Variants in ZNF33A observed in about 807,000 individuals in gnomAD.
ZNF33A encodes zinc finger protein 33A, also known as brain my041 protein.
A neutral mutation model predicts 15.9 loss-of-function variants in ZNF33A; 9 were observed. The ratio of observed to expected loss-of-function variants is 0.57; its 90% CI spans 0.34 to 0.99. The LOEUF (loss-of-function observed/expected upper bound fraction) is 0.99. ZNF33A is among the 50% of genes least tolerant of loss of function. The pLI is 0.02. For synonymous variants in ZNF33A, 294 were observed against 324.2 expected (o/e 0.91, Z 1.00); for missense variants, 843 against 941.6 (o/e 0.90, Z 1.37).
chr10:38,047,396 A>G (rs615974), intron 4 of ZNF33A, among the ~76,000 whole-genome samples: 132,876 of 151,484 alleles, frequency 0.88, 58,412 homozygotes, highest in South Asian at 0.94. Context: ...TTGGGAGGCC[A>G]AGGCCTGTGG....
rs10658326 is a variant in ZNF33A, at chr10:38,014,035, A to ATTTTTTTTTTTTT, written c.9+1701_9+1713dup. On this transcript the variant is annotated intron_variant, in intron 2 of 4. Transcript: ENST00000432900. ...AAAGCCCCAAATTTAATGATGTCTG[A>ATTTTTTTTTTTTT]TTTTTTTTTTTTTTTTTTTTTTTTT... Among the ~76,000 whole-genome samples the ATTTTTTTTTTTTT allele has an allele frequency of 6.2e-5, 5 of 80,368 alleles. 1 individual carries two copies. The highest frequency in any genetic ancestry group is 2.2e-4 in the African/African-American group (4 of 18,064). 52.7% of individuals were successfully genotyped at this position (80,368 alleles called of 152,430 possible). A position where few individuals can be genotyped will look rare whatever the true frequency, so the allele number is the denominator to read the frequency against.
Position 38,056,582 on chromosome 10 carries a change from G to A in ZNF33A, c.*22G>A. Reference sequence around the variant, plus strand: ...GTAACTATCCACAAACTCACCTTATGTTACTCCAAAGTAATAGTAGGGGAT... The same window carrying A: ...GTAACTATCCACAAACTCACCTTATATTACTCCAAAGTAATAGTAGGGGAT... On this transcript the variant is annotated 3_prime_UTR_variant, in exon 5 of 5. Transcript: ENST00000432900. The A allele has an allele frequency of 6.5e-7, 1 of 1,535,600 alleles. No homozygotes were observed. The highest frequency in any genetic ancestry group is 1.3e-5 in the South Asian group (1 of 76,032).
At position 38,017,356 on chromosome 10, in the gene ZNF33A, G is replaced by T; in HGVS notation, c.220G>T (p.Glu74Ter). 3.7e-6 allele frequency: 6 copies of T among 1,614,024 alleles called. No individual in the cohort carries two copies. The highest frequency in any genetic ancestry group is 5.1e-6 in the Non-Finnish European group (6 of 1,179,930). ...LQQGEEPWKQEEEFPSQSFPE... is the reference protein window; with the variant it reads ...LQQGEEPWKQ ...ACAAGGAGAAGAGCCATGGAAACAG[G>T]AGGAAGAATTCCCAAGCCAAAGCTT... The change falls in exon 4 of 5, where the codon GAG becomes TAG. Residue 74 changes from glutamate to a stop codon, truncating the protein, a stop_gained. Transcript: ENST00000432900. LOFTEE classifies it high-confidence loss of function.
rs1430254911 is a variant in ZNF33A, at chr10:38,055,676, A to G, written c.1552A>G (p.Ile518Val). The G allele has an allele frequency of 2.5e-6, 4 of 1,614,000 alleles. No individual in the cohort carries two copies. Among genetic ancestry groups the G allele is most frequent in the Admixed American group, 3.3e-5 (2 of 60,006 alleles). ...GTCATTACTCACCAGGCATCAGATA[A>G]TTCATACAGGGTGGAAACCTTATGA... ...HKSLLTRHQI[I>V]HTGWKPYECY... The change falls in exon 5 of 5, where the codon ATT (isoleucine) becomes GTT (valine). Residue 518 changes from isoleucine (I) to valine (V), a missense_variant. By Grantham distance (29) the Ile-to-Val change is conservative. Transcript: ENST00000432900.
chr10:38,011,026 A>T (rs1344250509), intron 1 of ZNF33A, among the ~76,000 whole-genome samples: 1 of 152,042 alleles, frequency 6.6e-6, no homozygotes, highest in Non-Finnish European at 1.5e-5. Flanking sequence ...GGAGGAGGGC[A>T]TGTGCGCTTG....
chr10:38,012,715 A>C (rs547769563), intron 2 of ZNF33A, among the ~76,000 whole-genome samples: 1 of 152,330 alleles, frequency 6.6e-6, no homozygotes, highest in East Asian at 1.9e-4. Flanking sequence ...TACAAGCGTG[A>C]GGCACCGTGT....
intron 2 of ZNF33A, among the ~76,000 whole-genome samples, chr10:38,013,891 C>T (rs1171509618): frequency 1.3e-5 from 2 of 152,132 alleles, no homozygotes; most frequent in East Asian, 1.9e-4. Flanking sequence ...CTGAAGCTGC[C>T]GTCTTGTCCC....
At chr10:38,050,694 C>T (rs2066163405) in intron 4 of ZNF33A, among the ~76,000 whole-genome samples, 1 of 152,192 alleles carries the variant, frequency 6.6e-6, no homozygotes, top group African/African-American at 2.4e-5. Context: ...CAAACAGTTG[C>T]ACCCCAGAGA....
chr10:38,040,460 A>T (rs1833735779), intron 4 of ZNF33A, among the ~76,000 whole-genome samples: 1 of 152,172 alleles, frequency 6.6e-6, no homozygotes, highest in East Asian at 1.9e-4. Flanking sequence ...AGTTTTTGCT[A>T]CACATACTTT....
At chr10:38,013,008 G>A (rs1295641624) in intron 2 of ZNF33A, among the ~76,000 whole-genome samples, 1 of 152,158 alleles carries the variant, frequency 6.6e-6, no homozygotes, top group Admixed American at 6.5e-5. Context: ...TGAAATGAGT[G>A]CAGCCTATTG....
chr10:38,056,272 A>T lies in ZNF33A; in HGVS notation c.2148A>T (p.Thr716=), dbSNP rs1315601921. 2 of 1,614,036 alleles carry T rather than the reference A, an allele frequency of 1.2e-6. No individual in the cohort carries two copies. Among genetic ancestry groups the T allele is most frequent in the Non-Finnish European group, 8.5e-7 (1 of 1,180,000 alleles). ...SSLTVHHRAH[T]GEKSCQCNEC... Reference sequence around the variant, plus strand: ...TCACAGTACATCACAGGGCTCACACAGGAGAGAAATCTTGTCAATGTAATG... The same window carrying T: ...TCACAGTACATCACAGGGCTCACACTGGAGAGAAATCTTGTCAATGTAATG... The change falls in exon 5 of 5, where the codon ACA becomes ACT. Residue 716 remains threonine, a synonymous_variant. Transcript: ENST00000432900.
At chr10:38,028,644 C>T (rs1430686243) in intron 4 of ZNF33A, among the ~76,000 whole-genome samples, 2 of 151,850 alleles carry the variant, frequency 1.3e-5, no homozygotes, top group Non-Finnish European at 2.9e-5. Flanking sequence ...ATTTTTGTGT[C>T]TTTAGTAGAG....
chr10:38,027,632 C>G (rs1161051423), intron 4 of ZNF33A, among the ~76,000 whole-genome samples: 2 of 152,034 alleles, frequency 1.3e-5, no homozygotes, highest in Non-Finnish European at 2.9e-5. Context: ...CAGGTGCTAT[C>G]CACTATGCCC....
At position 38,056,136 on chromosome 10, in the gene ZNF33A, G is replaced by C; in HGVS notation, c.2012G>C (p.Gly671Ala). Residue 671 changes from glycine to alanine, a missense_variant, in exon 5 of 5, where the codon GGA becomes GCA. Gly to Ala is a moderately conservative substitution (Grantham distance 60). Coordinates refer to ENST00000432900, the MANE Select transcript of ZNF33A (RefSeq NM_006954.2). ...QEKPYKCNEC[G>A]KSFCVKSGLI... The stretch of plus-strand genomic sequence containing the variant: ...AAGCCCTATAAATGTAATGAATGTG[G>C]AAAATCTTTCTGTGTAAAATCAGGA... 6.2e-7 allele frequency: 1 copy of C among 1,614,042 alleles called. No homozygotes were observed. The highest frequency in any genetic ancestry group is 8.5e-7 in the Non-Finnish European group (1 of 1,179,982).
At chr10:38,036,345 G>A (rs1404985237) in intron 4 of ZNF33A, among the ~76,000 whole-genome samples, 1 of 152,124 alleles carries the variant, frequency 6.6e-6, no homozygotes, top group East Asian at 1.9e-4. Flanking sequence ...GCTGAGGCAG[G>A]AGAATCGCTT....
chr10:38,030,100 A>C (rs1340159773), intron 4 of ZNF33A, among the ~76,000 whole-genome samples: 2 of 152,200 alleles, frequency 1.3e-5, no homozygotes, highest in Non-Finnish European at 2.9e-5. Flanking sequence ...TAAAAGTGAT[A>C]ATACAAGTGC....
At chr10:38,019,527 G>A (rs1306729553) in intron 4 of ZNF33A, among the ~76,000 whole-genome samples, 1 of 152,196 alleles carries the variant, frequency 6.6e-6, no homozygotes, top group East Asian at 1.9e-4. Flanking sequence ...ATTCCCTACA[G>A]AGAATGACTG....
In ZNF33A at chr10:38,056,643, T is replaced by C; in HGVS notation, c.*83T>C. On this transcript the variant is annotated 3_prime_UTR_variant, in exon 5 of 5. Transcript: ENST00000432900. ...ACTACAACAATTATAGGACAGCTTT[T>C]GTTAGGAAGTGATATTCTATGTAAT... The C allele has an allele frequency of 2.0e-6, 3 of 1,472,654 alleles. No individual in the cohort carries two copies. Among genetic ancestry groups the C allele is most frequent in the Non-Finnish European group, 2.7e-6 (3 of 1,118,556 alleles). 91.2% of individuals were successfully genotyped at this position (1,472,654 alleles called of 1,614,324 possible).
intron 4 of ZNF33A, among the ~76,000 whole-genome samples, chr10:38,023,760 A>G (rs1457660158): frequency 6.6e-6 from 1 of 152,216 alleles, no homozygotes; most frequent in Non-Finnish European, 1.5e-5. Context: ...ATCAAGCACA[A>G]TGAGGCAAGA....
Sources: allele counts gnomAD v4.1 joint callset (sites outside exome capture counted in the v4.1 genomes callset), GRCh38; gene constraint gnomAD v4.1.1; transcripts MANE v1.5; gene names NCBI Gene and HGNC (gene_info 2026-07-23, HGNC 2026-07-21).